The following COL26A1 variants were observed in gnomAD, a reference collection of about 807,000 sequenced individuals.
COL26A1 encodes collagen type XXVI alpha 1 chain.
Under a neutral mutation model 59.3 loss-of-function variants are expected in COL26A1, and 41 were observed. That is an observed-to-expected ratio of 0.69 (90% CI 0.54 to 0.90). The LOEUF (loss-of-function observed/expected upper bound fraction) is 0.90. COL26A1 is among the 40% of genes least tolerant of loss of function. COL26A1 has a pLI of 0.00. For synonymous variants in COL26A1, 266 were observed against 256.0 expected (o/e 1.04, Z -0.37); for missense variants, 612 against 602.3 (o/e 1.02, Z -0.17).
intron 3 of COL26A1, among the ~76,000 whole-genome samples, chr7:101,518,392 G>A (rs924353938): frequency 2.0e-5 from 3 of 152,156 alleles, no homozygotes; most frequent in Admixed American, 6.5e-5. Flanking sequence ...TGCCAGCTTT[G>A]TTTCATGACC....
At chr7:101,456,021 A>G (rs1314109374) in intron 3 of COL26A1, among the ~76,000 whole-genome samples, 2 of 152,194 alleles carry the variant, frequency 1.3e-5, no homozygotes, top group African/African-American at 2.4e-5. Flanking sequence ...TATCATGAAC[A>G]TCTGTCTTTG....
chr7:101,368,724 C>T (rs1291431986), intron 1 of COL26A1, among the ~76,000 whole-genome samples: 1 of 152,154 alleles, frequency 6.6e-6, no homozygotes, highest in African/African-American at 2.4e-5. Flanking sequence ...GTGCTTCGTC[C>T]TAACCTGTTT....
In COL26A1 at chr7:101,516,127, G is replaced by A. The variant is rs186752272; in HGVS notation, c.386-16955G>A. Among the ~76,000 whole-genome samples, 19 of 152,332 alleles carry A rather than the reference G, an allele frequency of 1.2e-4. No individual in the cohort carries two copies. The East Asian group carries it at 3.7e-3, about 29-fold the overall frequency. ...TGGGTTGGCCACCATTCAAATGTGT[G>A]ATTGTGGCCGTGAGCCACTTAACAT... On this transcript the variant is annotated intron_variant, in intron 3 of 12. Coordinates refer to ENST00000313669, the MANE Select transcript of COL26A1 (RefSeq NM_001278563.3).
In COL26A1 at chr7:101,465,043, T is replaced by C. The variant is rs1363247704; in HGVS notation, c.385+17256T>C. Among the ~76,000 whole-genome samples, 702 of 150,850 alleles carry C rather than the reference T, an allele frequency of 4.7e-3. 5 individuals carry two copies. The highest frequency in any genetic ancestry group is 0.015 in the African/African-American group (633 of 41,104). On this transcript the variant is annotated intron_variant, in intron 3 of 12. Coordinates refer to ENST00000313669, the MANE Select transcript of COL26A1 (RefSeq NM_001278563.3). The stretch of plus-strand genomic sequence containing the variant: ...TTCTAATTCTTTCTTTCTTTTTTTT[T>C]TTTTTTTTTGTTGGGACAGAGTCTC...
intron 3 of COL26A1, among the ~76,000 whole-genome samples, chr7:101,468,898 A>G (rs1345650374): frequency 6.6e-6 from 1 of 152,164 alleles, no homozygotes; most frequent in African/African-American, 2.4e-5. Context: ...CCTGGCTCCC[A>G]TTAAGCAGCT....
At chr7:101,555,921 C>T (rs771686054) in intron 12 of COL26A1, 50 bp downstream of exon 12, 33 of 1,474,160 alleles carry the variant, frequency 2.2e-5, no homozygotes. Context: ...CCCCTCCTTC[C>T]TCTCCCAATG....
intron 3 of COL26A1, among the ~76,000 whole-genome samples, chr7:101,528,481 G>C (rs1363660197): frequency 6.6e-6 from 1 of 151,836 alleles, no homozygotes; most frequent in African/African-American, 2.4e-5. Flanking sequence ...TGTGTGGCTC[G>C]AGCTGGAGAG....
chr7:101,471,626 C>T (rs530158567), intron 3 of COL26A1, among the ~76,000 whole-genome samples: 5 of 126,818 alleles, frequency 3.9e-5, no homozygotes, highest in African/African-American at 1.5e-4. Flanking sequence ...GTTGCCCAGG[C>T]TGGAGTTCAG....
intron 3 of COL26A1, among the ~76,000 whole-genome samples, chr7:101,475,133 C>T (rs1158789248): frequency 4.6e-5 from 7 of 151,850 alleles, no homozygotes; most frequent in East Asian, 1.9e-4. Context: ...GAGGCAGAGG[C>T]GGAGGTGAGC....
At chr7:101,405,553 A>T (rs6956534) in intron 1 of COL26A1, among the ~76,000 whole-genome samples, 27,806 of 151,608 alleles carry the variant, frequency 0.18, 2,912 homozygotes, top group Non-Finnish European at 0.24. Flanking sequence ...CTAAATCCTG[A>T]TTGTCCCTGA....
intron 3 of COL26A1, among the ~76,000 whole-genome samples, chr7:101,497,511 C>CA (rs1013510627): frequency 2.0e-5 from 3 of 151,034 alleles, no homozygotes; most frequent in African/African-American, 4.9e-5. Context: ...CCCGTCTCTA[C>CA]AAAAAATACA....
At position 101,539,930 on chromosome 7, in the gene COL26A1, C is replaced by G. The variant is rs371175760; in HGVS notation, c.485C>G (p.Pro162Arg). 1 of 1,613,418 alleles carries G rather than the reference C, an allele frequency of 6.2e-7. No homozygotes were observed. Among genetic ancestry groups the G allele is most frequent in the African/African-American group, 1.3e-5 (1 of 75,020 alleles). ...GAAGCAGCAGAACGGCCCTCCAGCC[C>G]GGACAACGACCTGCCAGCCCCCGAG... Reference protein sequence around the residue: ...LLEAAERPSSPDNDLPAPEST... With the variant: ...LLEAAERPSSRDNDLPAPEST... Residue 162 changes from proline (P) to arginine (R), a missense_variant, in exon 5 of 13, where the codon CCG becomes CGG. Physicochemically the swap from Pro to Arg is moderately radical, Grantham distance 103 (BLOSUM62 -2). Coordinates refer to ENST00000313669, the MANE Select transcript of COL26A1 (RefSeq NM_001278563.3).
intron 3 of COL26A1, among the ~76,000 whole-genome samples, chr7:101,466,387 T>C (rs1793758091): frequency 6.6e-6 from 1 of 152,050 alleles, no homozygotes; most frequent in Admixed American, 6.6e-5. Context: ...TGCCCAGCAC[T>C]AGGCACAATA....
At chr7:101,426,206 G>A (rs560220177) in intron 2 of COL26A1, among the ~76,000 whole-genome samples, 84 of 152,220 alleles carry the variant, frequency 5.5e-4, no homozygotes, top group Non-Finnish European at 1.0e-3. Flanking sequence ...TTCCCTGAGC[G>A]AGCAGAGCCT....
At chr7:101,469,424 G>C (rs1017298092) in intron 3 of COL26A1, among the ~76,000 whole-genome samples, 4 of 152,056 alleles carry the variant, frequency 2.6e-5, no homozygotes, top group Non-Finnish European at 5.9e-5. Flanking sequence ...TCCCACGTCA[G>C]ATGCCGGCCA....
chr7:101,389,186 T>G (rs944438945), intron 1 of COL26A1: 1 of 152,964 alleles, frequency 6.5e-6, no homozygotes, highest in Non-Finnish European at 1.5e-5. Context: ...TGATTTGTCT[T>G]TTCCTAATGA....
chr7:101,533,564 C>G (rs1342446483), intron 4 of COL26A1, among the ~76,000 whole-genome samples: 1 of 152,170 alleles, frequency 6.6e-6, no homozygotes, highest in Non-Finnish European at 1.5e-5. Context: ...TTGGCCCAGT[C>G]TATAAGAACA....
In COL26A1 at chr7:101,474,677, G is replaced by T. The variant is rs577874969; in HGVS notation, c.385+26890G>T. On this transcript the variant is annotated intron_variant, in intron 3 of 12. Transcript: ENST00000313669. ...GAAAGGCCTCTGCATGATGGTAGAGGGAAGAAAAGATTTCTATTCTCATCC... is the reference window on the plus strand; with the variant it reads ...GAAAGGCCTCTGCATGATGGTAGAGTGAAGAAAAGATTTCTATTCTCATCC... Among the ~76,000 whole-genome samples the T allele has an allele frequency of 4.6e-5, 7 of 152,196 alleles. No individual in the cohort carries two copies. In the South Asian group the frequency reaches 1.5e-3, roughly 32 times the overall value.
At chr7:101,538,738 C>G (rs191755371) in intron 4 of COL26A1, among the ~76,000 whole-genome samples, 10 of 144,102 alleles carry the variant, frequency 6.9e-5, no homozygotes, top group Admixed American at 6.9e-4. Flanking sequence ...CTAAGTGCAC[C>G]CTGGAGACAC....
Sources: gnomAD v4.1 joint callset for allele counts (sites outside exome capture counted in the v4.1 genomes callset) on GRCh38, gnomAD v4.1.1 for gene constraint, MANE v1.5 for transcripts, NCBI Gene and HGNC (gene_info 2026-07-23, HGNC 2026-07-21) for gene names.